Variants in ANO6 observed in about 807,000 individuals in gnomAD.
ANO6 encodes the protein anoctamin 6.
A neutral mutation model predicts 117.5 loss-of-function variants in ANO6; 106 were observed. That is an observed-to-expected ratio of 0.90 (90% CI 0.77 to 1.06). The LOEUF is 1.06. Among genes scored for constraint, ANO6 ranks in the 50% least tolerant of loss-of-function variants. The pLI is 0.00. For synonymous variants in ANO6, 367 were observed against 385.1 expected (o/e 0.95, Z 0.55); for missense variants, 955 against 1,121.1 (o/e 0.85, Z 2.12).
At chr12:45,265,555 G>T (rs569605903) in intron 1 of ANO6, among the ~76,000 whole-genome samples, 46 of 152,210 alleles carry the variant, frequency 3.0e-4, no homozygotes, top group African/African-American at 1.1e-3. Context: ...ATTCACAGCA[G>T]CCCTATGAAC....
chr12:45,367,437 C>G (rs1331619998), intron 8 of ANO6, among the ~76,000 whole-genome samples: 1 of 152,176 alleles, frequency 6.6e-6, no homozygotes, highest in Non-Finnish European at 1.5e-5. Context: ...GCAGAGACCT[C>G]CAGCTGAAAA....
chr12:45,265,228 A>T (rs1592893311), intron 1 of ANO6, among the ~76,000 whole-genome samples: 2 of 152,308 alleles, frequency 1.3e-5, no homozygotes, highest in South Asian at 4.1e-4. Flanking sequence ...TCGATTTTAA[A>T]GATCATTTCA....
intron 1 of ANO6, among the ~76,000 whole-genome samples, chr12:45,230,629 T>G (rs1286563985): frequency 6.6e-6 from 1 of 151,944 alleles, no homozygotes; most frequent in Non-Finnish European, 1.5e-5. Flanking sequence ...ATATATAATT[T>G]TAGTATGAAA....
chr12:45,400,896 G>A (rs1942767978), intron 12 of ANO6, among the ~76,000 whole-genome samples: 1 of 152,152 alleles, frequency 6.6e-6, no homozygotes, highest in South Asian at 2.1e-4. Flanking sequence ...TAGATGTAGG[G>A]GAAACAGTTT....
intron 2 of ANO6, among the ~76,000 whole-genome samples, chr12:45,308,048 ATTTTTTTTTT>A (rs1218638312): frequency 4.8e-4 from 33 of 69,310 alleles, no homozygotes; most frequent in Non-Finnish European, 6.6e-4. Flanking sequence ...TGTGTGTGTA[ATTTTTTTTTT>A]TTTTTTTTTT....
chr12:45,277,820 G>T (rs960406766), intron 1 of ANO6, among the ~76,000 whole-genome samples: 1 of 152,116 alleles, frequency 6.6e-6, no homozygotes, highest in Admixed American at 6.5e-5. Flanking sequence ...AAACTTTTCC[G>T]CTCTGGAATT....
intron 1 of ANO6, among the ~76,000 whole-genome samples, chr12:45,246,620 A>C (rs1293950405): frequency 6.6e-6 from 1 of 152,122 alleles, no homozygotes; most frequent in Admixed American, 6.6e-5. Flanking sequence ...TCAAACACTT[A>C]ATGTGGTCCG....
intron 1 of ANO6, among the ~76,000 whole-genome samples, chr12:45,278,020 A>G (rs1225189783): frequency 1.3e-5 from 2 of 151,972 alleles, no homozygotes; most frequent in East Asian, 1.9e-4. Flanking sequence ...TGGCACAATC[A>G]TAGCTCATTC....
intron 2 of ANO6, among the ~76,000 whole-genome samples, chr12:45,324,719 G>A (rs1940403462): frequency 6.6e-6 from 1 of 152,188 alleles, no homozygotes; most frequent in Non-Finnish European, 1.5e-5. Context: ...GTGACAGATT[G>A]TAACATTAAG....
chr12:45,331,025 C>T lies in ANO6; in HGVS notation c.151-270C>T, dbSNP rs573933647. 5.9e-5 allele frequency among the ~76,000 whole-genome samples: 9 copies of T among 151,430 alleles called. No individual in the cohort carries two copies. In the South Asian group the frequency reaches 1.9e-3, roughly 32 times the overall value. On this transcript the variant is annotated intron_variant, in intron 2 of 19. Transcript: ENST00000320560. ...TTTGCTGCTTGAGGTGAAAATAATT[C>T]TGGGATGATTGTGTTACATATGTAA...
At chr12:45,263,518 G>A (rs374808739) in intron 1 of ANO6, among the ~76,000 whole-genome samples, 1 of 151,896 alleles carries the variant, frequency 6.6e-6, no homozygotes, top group South Asian at 2.1e-4. Context: ...GTCCTAAAAT[G>A]TCCTTTTAGG....
chr12:45,269,193 G>A (rs898120597), intron 1 of ANO6, among the ~76,000 whole-genome samples: 1 of 152,144 alleles, frequency 6.6e-6, no homozygotes, highest in African/African-American at 2.4e-5. Context: ...TCTTTTCTGA[G>A]GAATTACTTT....
Position 45,287,794 on chromosome 12 carries a change from G to A in ANO6, c.71-14220G>A, listed in dbSNP as rs115403906. ...AACTGGGATGCTTCTTGATGTGTTG[G>A]TCTTCTGTTCATTGTGGAAAATTTG... On this transcript the variant is annotated intron_variant, in intron 1 of 19. Transcript: ENST00000320560. Among the ~76,000 whole-genome samples, 960 of 152,220 alleles carry A rather than the reference G, an allele frequency of 6.3e-3. 7 individuals are homozygous for A. Among genetic ancestry groups the A allele is most frequent in the African/African-American group, 0.021 (884 of 41,536 alleles).
intron 15 of ANO6, among the ~76,000 whole-genome samples, chr12:45,408,243 T>G (rs1942993766): frequency 6.6e-6 from 1 of 152,214 alleles, no homozygotes; most frequent in African/African-American, 2.4e-5. Flanking sequence ...CCCACATGTT[T>G]AATCAGCCAG....
chr12:45,244,889 T>G (rs1947801208), intron 1 of ANO6, among the ~76,000 whole-genome samples: 1 of 152,226 alleles, frequency 6.6e-6, no homozygotes, highest in Non-Finnish European at 1.5e-5. Context: ...ATAGCAGGGA[T>G]GGAGAGCTTA....
intron 8 of ANO6, among the ~76,000 whole-genome samples, chr12:45,361,597 T>G (rs1328873181): frequency 6.6e-6 from 1 of 152,172 alleles, no homozygotes; most frequent in Non-Finnish European, 1.5e-5. Flanking sequence ...GCATTCAGTC[T>G]TTCACCATTA....
intron 9 of ANO6, among the ~76,000 whole-genome samples, chr12:45,372,080 CTGATG>C (rs57484853): frequency 0.032 from 4,915 of 152,142 alleles, 235 homozygotes; most frequent in African/African-American, 0.11. Context: ...GCCTCAGGAG[CTGATG>C]CGATCAACTG....
chr12:45,359,031 G>A (rs1265757421), intron 8 of ANO6, among the ~76,000 whole-genome samples: 4 of 152,234 alleles, frequency 2.6e-5, no homozygotes, highest in South Asian at 4.1e-4. Flanking sequence ...TGATCCGCCC[G>A]CCTCGGCCTC....
At chr12:45,264,756 G>A (rs1412243342) in intron 1 of ANO6, among the ~76,000 whole-genome samples, 2 of 152,086 alleles carry the variant, frequency 1.3e-5, no homozygotes, top group Non-Finnish European at 2.9e-5. Context: ...GCATTGTTTT[G>A]TATTAGACAA....
Sources: allele counts gnomAD v4.1 joint callset (sites outside exome capture counted in the v4.1 genomes callset), GRCh38; gene constraint gnomAD v4.1.1; transcripts MANE v1.5; gene names NCBI Gene and HGNC (gene_info 2026-07-23, HGNC 2026-07-21).